OTUD7A: variants seen among roughly 807,000 people sequenced by gnomAD.
OTUD7A encodes OTU domain-containing protein 7A.
Under a neutral mutation model 65.7 loss-of-function variants are expected in OTUD7A, and 12 were observed. That is an observed-to-expected ratio of 0.18 (90% CI 0.12 to 0.30). The LOEUF is 0.30. Ranked by LOEUF, OTUD7A falls within the 10% of genes least tolerant of loss-of-function variation. OTUD7A has a pLI of 1.00. For missense variants in OTUD7A, 1,148 were observed against 1,304.8 expected, an observed-to-expected ratio of 0.88 and a Z score of 1.85; for synonymous variants, 641 against 586.3, an observed-to-expected ratio of 1.09 and a Z score of -1.35.
At chr15:31,609,815 C>T (rs2100088728) in intron 3 of OTUD7A, among the ~76,000 whole-genome samples, 1 of 152,056 alleles carries the variant, frequency 6.6e-6, no homozygotes, top group African/African-American at 2.4e-5. Flanking sequence ...TCACAGAGTC[C>T]ATTTCACCCC....
intron 1 of OTUD7A, among the ~76,000 whole-genome samples, chr15:31,743,301 A>C (rs1894390435): frequency 6.6e-6 from 1 of 152,208 alleles, no homozygotes; most frequent in African/African-American, 2.4e-5. Flanking sequence ...ATGAAAAATG[A>C]GATATGTAAA....
At chr15:31,499,996 A>G (rs140402718) in intron 10 of OTUD7A, among the ~76,000 whole-genome samples, 1 of 152,306 alleles carries the variant, frequency 6.6e-6, no homozygotes, top group East Asian at 1.9e-4. Context: ...GAAGGCCTGG[A>G]AGAGTACTCG....
At chr15:31,822,920 T>C (rs916774476) in intron 1 of OTUD7A, among the ~76,000 whole-genome samples, 2 of 152,194 alleles carry the variant, frequency 1.3e-5, no homozygotes, top group African/African-American at 4.8e-5. Flanking sequence ...CTTAATTTTA[T>C]AAATTCTCAG....
chr15:31,791,963 C>A (rs561176629), intron 1 of OTUD7A, among the ~76,000 whole-genome samples: 141 of 152,134 alleles, frequency 9.3e-4, no homozygotes, highest in Middle Eastern at 3.2e-3. Flanking sequence ...CAGTCCTAAC[C>A]GAGCTCCCCA....
intron 1 of OTUD7A, among the ~76,000 whole-genome samples, chr15:31,682,909 A>G (rs770424085): frequency 6.6e-6 from 1 of 152,232 alleles, no homozygotes; most frequent in Non-Finnish European, 1.5e-5. Context: ...GTATGTGCAC[A>G]TTCGCATAAC....
chr15:31,641,105 T>C (rs745936912), intron 3 of OTUD7A, among the ~76,000 whole-genome samples: 1 of 152,204 alleles, frequency 6.6e-6, no homozygotes, highest in Non-Finnish European at 1.5e-5. Context: ...CATTGGATCA[T>C]GGGGGCAGTT....
intron 8 of OTUD7A, among the ~76,000 whole-genome samples, chr15:31,508,659 G>A (rs922673075): frequency 1.3e-5 from 2 of 152,254 alleles, no homozygotes; most frequent in African/African-American, 4.8e-5. Flanking sequence ...GCAAGAATGT[G>A]GTTTGTAGGC....
chr15:31,689,674 C>T (rs1892918367), intron 1 of OTUD7A, among the ~76,000 whole-genome samples: 1 of 152,212 alleles, frequency 6.6e-6, no homozygotes, highest in Non-Finnish European at 1.5e-5. Context: ...ATCCCACTCC[C>T]AACACACGAT....
At chr15:31,592,559 C>T (rs1450600391) in intron 3 of OTUD7A, among the ~76,000 whole-genome samples, 1 of 151,894 alleles carries the variant, frequency 6.6e-6, no homozygotes, top group Non-Finnish European at 1.5e-5. Flanking sequence ...AAGGACCTGC[C>T]TGAGGCCATT....
chr15:31,644,361 G>A (rs1299445987), intron 3 of OTUD7A, among the ~76,000 whole-genome samples: 1 of 151,998 alleles, frequency 6.6e-6, no homozygotes, highest in Non-Finnish European at 1.5e-5. Context: ...CCGTGTCCTT[G>A]ACTTCCTTGG....
chr15:31,762,990 A>T (rs1204584725), intron 1 of OTUD7A, among the ~76,000 whole-genome samples: 1 of 152,182 alleles, frequency 6.6e-6, no homozygotes, highest in African/African-American at 2.4e-5. Context: ...ACAAATGTAA[A>T]GACAGAAGTC....
intron 8 of OTUD7A, among the ~76,000 whole-genome samples, chr15:31,513,312 A>G (rs141918716): frequency 7.2e-5 from 11 of 152,366 alleles, no homozygotes; most frequent in African/African-American, 1.7e-4. Flanking sequence ...ATCACCCTGG[A>G]AAGTTCTTGC....
Position 31,498,347 on chromosome 15 carries a change from G to A in OTUD7A, c.1171+3343C>T, listed in dbSNP as rs2041417239. 6.6e-6 allele frequency among the ~76,000 whole-genome samples: 1 copy of A among 152,158 alleles called. No homozygotes were observed. On this transcript the variant is annotated intron_variant, in intron 10 of 12. Transcript: ENST00000307050. The surrounding 1 kb of genome is among the most constrained non-coding windows in gnomAD (Gnocchi z 4.2). ...TCCTTTGATTTCTCCTGATGTGGGGGTACTAAATGGACTTTATTCCAACAC... is the reference window on the plus strand; with the variant it reads ...TCCTTTGATTTCTCCTGATGTGGGGATACTAAATGGACTTTATTCCAACAC...
At chr15:31,658,947 G>A (rs1892072349) in intron 1 of OTUD7A, among the ~76,000 whole-genome samples, 1 of 151,376 alleles carries the variant, frequency 6.6e-6, no homozygotes, top group Non-Finnish European at 1.5e-5. Flanking sequence ...CAGGAGAATT[G>A]CTTGAACCTG....
intron 4 of OTUD7A, among the ~76,000 whole-genome samples, chr15:31,567,160 T>C (rs1266183631): frequency 6.6e-6 from 1 of 152,208 alleles, no homozygotes; most frequent in Non-Finnish European, 1.5e-5. Context: ...TAAATGGTTA[T>C]GACCAAAATA....
At chr15:31,546,663 A>C (rs1595599631) in intron 5 of OTUD7A, among the ~76,000 whole-genome samples, 1 of 152,258 alleles carries the variant, frequency 6.6e-6, no homozygotes, top group Non-Finnish European at 1.5e-5. Flanking sequence ...CTGTCATTTA[A>C]ATCACTTGGT....
At chr15:31,571,117 G>C (rs1889041497) in intron 3 of OTUD7A, among the ~76,000 whole-genome samples, 1 of 151,990 alleles carries the variant, frequency 6.6e-6, no homozygotes, top group African/African-American at 2.4e-5. Flanking sequence ...ATACATTGTA[G>C]GCTGGTATCA....
intron 8 of OTUD7A, among the ~76,000 whole-genome samples, chr15:31,518,351 T>G (rs531236493): frequency 1.3e-5 from 2 of 152,096 alleles, no homozygotes; most frequent in South Asian, 4.2e-4. Flanking sequence ...CTTGTGCCTG[T>G]AGTCCCAGCT....
At chr15:31,668,639 A>G (rs917806010) in intron 1 of OTUD7A, among the ~76,000 whole-genome samples, 2 of 151,706 alleles carry the variant, frequency 1.3e-5, no homozygotes, top group African/African-American at 4.8e-5. Context: ...CTCCTGAATT[A>G]TTTTTCAGGT....
Sources: gnomAD v4.1 joint callset for allele counts (sites outside exome capture counted in the v4.1 genomes callset) on GRCh38, gnomAD v4.1.1 for gene constraint, Gnocchi (gnomAD v3.1) non-coding constraint, MANE v1.5 for transcripts, NCBI Gene and HGNC (gene_info 2026-07-23, HGNC 2026-07-21) for gene names.